The following EDA variants were observed in gnomAD, a reference collection of about 807,000 sequenced individuals.
EDA encodes the protein ectodysplasin-A.
A neutral mutation model predicts 23.6 loss-of-function variants in EDA; 2 were observed. The observed-to-expected ratio is 0.08, with a 90% CI of 0.03 to 0.27. The LOEUF (loss-of-function observed/expected upper bound fraction) is 0.27. Ranked by LOEUF, EDA falls within the 10% of genes least tolerant of loss-of-function variation. The pLI is 1.00. For missense variants in EDA, 229 were observed against 324.2 expected (o/e 0.71, Z 2.26); for synonymous variants, 131 against 132.0 (o/e 0.99, Z 0.05).
At chrX:69,811,496 G>A (rs2015955484) in intron 1 of EDA, among the ~76,000 whole-genome samples, 1 of 112,109 alleles carries the variant, frequency 8.9e-6, no homozygotes, top group South Asian at 3.7e-4. Context: ...AGGCTGACCA[G>A]CAGGCAGCAG....
chrX:69,795,524 G>C (rs758444080), intron 1 of EDA, among the ~76,000 whole-genome samples: 1 of 112,620 alleles, frequency 8.9e-6, no homozygotes, highest in South Asian at 3.6e-4. Context: ...TTTTCCTTCT[G>C]TATGATTCTA....
intron 1 of EDA, among the ~76,000 whole-genome samples, chrX:69,685,258 C>A (rs1411437624): frequency 1.8e-5 from 2 of 112,259 alleles, no homozygotes; most frequent in African/African-American, 6.5e-5. Context: ...TAATACTAAA[C>A]AGCTCTTATA....
At chrX:70,010,972 G>T (rs1419625659) in intron 2 of EDA, among the ~76,000 whole-genome samples, 1 of 112,015 alleles carries the variant, frequency 8.9e-6, no homozygotes, top group African/African-American at 3.2e-5. Context: ...TTCAAGATGA[G>T]ATTTGGATTG....
intron 3 of EDA, among the ~76,000 whole-genome samples, chrX:70,025,417 A>G (rs2020094265): frequency 9.0e-6 from 1 of 111,117 alleles, no homozygotes; most frequent in African/African-American, 3.3e-5. Context: ...GGGAGAAGCA[A>G]ACCTTACAAC....
intron 1 of EDA, among the ~76,000 whole-genome samples, chrX:69,699,285 A>G (rs1459544784): frequency 9.0e-6 from 1 of 111,242 alleles, no homozygotes; most frequent in Non-Finnish European, 1.9e-5. Context: ...CCCTTGACAT[A>G]CCATGGTCCT....
At chrX:69,757,595 C>A (rs772955461) in intron 1 of EDA, among the ~76,000 whole-genome samples, 1 of 112,333 alleles carries the variant, frequency 8.9e-6, no homozygotes, top group African/African-American at 3.2e-5. Context: ...ACTATGTTAG[C>A]TGCTTAGCAG....
intron 1 of EDA, among the ~76,000 whole-genome samples, chrX:69,888,391 C>G (rs184921917): frequency 3.7e-5 from 4 of 109,162 alleles, no homozygotes; most frequent in African/African-American, 1.3e-4. Context: ...AACAAAGGAC[C>G]TACAAAGCAA....
At chrX:69,766,505 A>T (rs2147420288) in intron 1 of EDA, among the ~76,000 whole-genome samples, 1 of 110,951 alleles carries the variant, frequency 9.0e-6, no homozygotes, top group African/African-American at 3.3e-5. Context: ...ATGTGTTTTC[A>T]TCATTTAGCT....
chrX:69,634,113 T>C (rs1008651626), intron 1 of EDA, among the ~76,000 whole-genome samples: 5 of 112,360 alleles, frequency 4.4e-5, no homozygotes, highest in African/African-American at 1.6e-4. Context: ...ACTAATGATA[T>C]TGAGCATTTT....
chrX:69,728,832 C>A (rs2012909070), intron 1 of EDA, among the ~76,000 whole-genome samples: 2 of 111,061 alleles, frequency 1.8e-5, no homozygotes, highest in Admixed American at 9.6e-5. Flanking sequence ...ACATCTCTAC[C>A]CCATGGTGTA....
intron 1 of EDA, among the ~76,000 whole-genome samples, chrX:69,680,877 G>A (rs1202665336): frequency 4.9e-5 from 5 of 102,232 alleles, no homozygotes; most frequent in African/African-American, 1.8e-4. Context: ...ATGTTAGCTG[G>A]TTATTTTGCT....
chrX:69,784,307 T>G (rs2015069671), intron 1 of EDA, among the ~76,000 whole-genome samples: 1 of 102,788 alleles, frequency 9.7e-6, no homozygotes. Context: ...TAGATCCCAT[T>G]TGTCAATTTT....
intron 2 of EDA, among the ~76,000 whole-genome samples, chrX:69,977,060 G>A (rs2147445990): frequency 9.0e-6 from 1 of 111,392 alleles, no homozygotes; most frequent in Non-Finnish European, 1.9e-5. Flanking sequence ...ATATGCTTAG[G>A]AAACACACCA....
intron 1 of EDA, among the ~76,000 whole-genome samples, chrX:69,699,050 C>A (rs1380501640): frequency 9.0e-6 from 1 of 110,896 alleles, no homozygotes; most frequent in Non-Finnish European, 1.9e-5. Flanking sequence ...GTGCCTGGCC[C>A]CGGGCTTGGT....
chrX:69,629,319 G>T (rs1169292383), intron 1 of EDA, among the ~76,000 whole-genome samples: 1 of 111,664 alleles, frequency 9.0e-6, no homozygotes, highest in Non-Finnish European at 1.9e-5. Flanking sequence ...CTTAACTCTT[G>T]TGTGCATTCT....
At chrX:69,874,269 G>A (rs756456105) in intron 1 of EDA, among the ~76,000 whole-genome samples, 6 of 110,568 alleles carry the variant, frequency 5.4e-5, no homozygotes, top group African/African-American at 1.6e-4. Context: ...CTGAGATTGT[G>A]CCATTGCACT....
chrX:69,838,366 G>T (rs1186442823), intron 1 of EDA, among the ~76,000 whole-genome samples: 1 of 113,204 alleles, frequency 8.8e-6, no homozygotes, highest in Non-Finnish European at 1.9e-5. Context: ...GGTGGCTCAC[G>T]CCTGTAATCC....
At position 69,959,963 on chromosome X, in the gene EDA, G is replaced by A. The variant is rs1030585908; in HGVS notation, c.502+2831G>A. On this transcript the variant is annotated intron_variant, in intron 2 of 7. Transcript: ENST00000374552. ...GCTGGGAGCAGAGTAAGAAGAGGAAGAGGGAAGGAGATGAGTTAAGAAAGC... is the reference window on the plus strand; with the variant it reads ...GCTGGGAGCAGAGTAAGAAGAGGAAAAGGGAAGGAGATGAGTTAAGAAAGC... 5.4e-5 allele frequency among the ~76,000 whole-genome samples: 6 copies of A among 111,710 alleles called. No individual in the cohort carries two copies. In the East Asian group the frequency reaches 1.7e-3, roughly 31 times the overall value.
chrX:69,998,793 A>G (rs5936529), intron 2 of EDA, among the ~76,000 whole-genome samples: 22,680 of 111,000 alleles, frequency 0.2, 1,906 homozygotes, highest in Non-Finnish European at 0.26. Flanking sequence ...AAGGGGAAAC[A>G]TGTGTTGCTT....
Sources: gnomAD v4.1 joint callset for allele counts (sites outside exome capture counted in the v4.1 genomes callset) on GRCh38, gnomAD v4.1.1 for gene constraint, MANE v1.5 for transcripts, NCBI Gene and HGNC (gene_info 2026-07-23, HGNC 2026-07-21) for gene names.